Variants in RAX observed in about 807,000 individuals in gnomAD.
RAX encodes retinal homeobox protein Rx.
A neutral mutation model predicts 17.4 loss-of-function variants in RAX; 11 were observed. That is an observed-to-expected ratio of 0.63 (90% CI 0.40 to 1.05). The LOEUF (loss-of-function observed/expected upper bound fraction) is 1.05. Among genes scored for constraint, RAX ranks in the 50% least tolerant of loss-of-function variants. The pLI, the probability that RAX is intolerant of heterozygous loss-of-function variation, is 0.00. For synonymous variants in RAX, 276 were observed against 254.7 expected (o/e 1.08, Z -0.80); for missense variants, 527 against 501.1 (o/e 1.05, Z -0.49).
Position 59,269,092 on chromosome 18 carries a change from G to T in RAX, c.953C>A (p.Ala318Glu). The T allele has an allele frequency of 1.2e-6, 2 of 1,611,780 alleles. No individual in the cohort carries two copies. Among genetic ancestry groups the T allele is most frequent in the South Asian group, 1.1e-5 (1 of 90,910 alleles). Residue 318 changes from alanine to glutamate, a missense_variant, in exon 3 of 3, where the codon GCG (alanine) becomes GAG (glutamate). Transcript: ENST00000334889. ...CGCGATGCTGCTGTTGCGCGGGTCC[G>T]CCTCGTCCAGCGGGAACTTGTCCCC... is the stretch of plus-strand genomic sequence containing the variant. Reference protein sequence around the residue: ...GFGDKFPLDEADPRNSSIAAL... With the variant: ...GFGDKFPLDEEDPRNSSIAAL...
rs1302856092 is a variant in RAX, at chr18:59,273,303, G to A, written c.-97C>T. ...GCGGCGGTGCAACCCGACGGGTCCC[G>A]ACCCTAGGTCAAGCTCCGCGGGCGA... On this transcript the variant is annotated 5_prime_UTR_variant, in exon 1 of 3. Transcript: ENST00000334889. 3 of 1,294,826 alleles carry A rather than the reference G, an allele frequency of 2.3e-6. No homozygotes were observed. Among genetic ancestry groups the A allele is most frequent in the South Asian group, 1.6e-5 (1 of 63,656 alleles). The allele number at this position is 1,294,826 out of a possible 1,614,324, so 80.2% of individuals were successfully genotyped here.
At chr18:59,271,409 G>A (rs1207325498) in intron 2 of RAX, among the ~76,000 whole-genome samples, 1 of 152,192 alleles carries the variant, frequency 6.6e-6, no homozygotes, top group East Asian at 1.9e-4. Flanking sequence ...ACATTGAACT[G>A]TCCTTGCTGG....
intron 2 of RAX, among the ~76,000 whole-genome samples, chr18:59,271,370 A>T (rs1224383024): frequency 6.6e-6 from 1 of 152,196 alleles, no homozygotes; most frequent in African/African-American, 2.4e-5. Flanking sequence ...CAGTGAAATC[A>T]CTGCAGCTTT....
chr18:59,273,054 G>C lies in RAX; in HGVS notation c.153C>G (p.Phe51Leu), dbSNP rs1214569321. The change falls in exon 1 of 3, where the codon TTC becomes TTG. Residue 51 changes from phenylalanine (F) to leucine (L), a missense_variant. Phe to Leu is a conservative substitution (Grantham distance 22). Transcript: ENST00000334889. ...FTKDDGILGT[F>L]PAERGARGAK... ...CGCCCCGGGCGCCCCGCTCCGCCGG[G>C]AAGGTGCCGAGGATCCCGTCGTCCT... 21 of 1,534,740 alleles carry C rather than the reference G, an allele frequency of 1.4e-5. No individual in the cohort carries two copies. The highest frequency in any genetic ancestry group is 2.6e-6 in the Non-Finnish European group (3 of 1,146,362).
At chr18:59,272,876 G>T in intron 1 of RAX, 42 bp downstream of exon 1, 1 of 1,490,306 alleles carries the variant, frequency 6.7e-7, no homozygotes, top group South Asian at 1.4e-5. Context: ...TCCTAAGCTC[G>T]GGCGCCCGAA....
Position 59,267,634 on chromosome 18 carries a change from C to G in RAX, c.*1370G>C, listed in dbSNP as rs75165709. ...GGACGGGGGTTGTGGGGTGGACGCC[C>G]CCCCCCCCCCCGTGCCAGGACCTGT... On this transcript the variant is annotated 3_prime_UTR_variant, in exon 3 of 3. Coordinates refer to ENST00000334889, the MANE Select transcript of RAX (RefSeq NM_013435.3). The G allele has an allele frequency of 1.3e-5, 1 of 76,018 alleles. No individual in the cohort carries two copies. The highest frequency in any genetic ancestry group is 3.1e-5 in the Non-Finnish European group (1 of 31,994). 4.7% of individuals were successfully genotyped at this position (76,018 alleles called of 1,614,324 possible). A position where few individuals can be genotyped will look rare whatever the true frequency, so the allele number is the denominator to read the frequency against.
intron 2 of RAX, among the ~76,000 whole-genome samples, chr18:59,269,769 A>C (rs1331478367): frequency 4.3e-5 from 5 of 117,026 alleles, no homozygotes; most frequent in African/African-American, 6.7e-5. Flanking sequence ...TCTTCTCTCC[A>C]TTATCGCCTC....
At chr18:59,269,729 TCTCTCTCTC>T (rs1273160379) in intron 2 of RAX, among the ~76,000 whole-genome samples, 5 of 109,654 alleles carry the variant, frequency 4.6e-5, no homozygotes, top group African/African-American at 1.8e-4. Flanking sequence ...TCTCTCTCTC[TCTCTCTCTC>T]TTTTTTTTTT....
At chr18:59,272,658 C>A in intron 1 of RAX, 44 bp from the exon 2 acceptor site, 1 of 1,565,180 alleles carries the variant, frequency 6.4e-7, no homozygotes, top group Non-Finnish European at 8.6e-7. Flanking sequence ...CTCCCCAAAA[C>A]ACCCTTGGGC....
intron 2 of RAX, 100 bp downstream of exon 2, chr18:59,272,261 A>T (rs1321287361): frequency 1.3e-6 from 2 of 1,512,898 alleles, no homozygotes; most frequent in Non-Finnish European, 1.8e-6. Context: ...GAGGAAGGAC[A>T]GTAATAAATG....
At chr18:59,272,737 G>C in intron 1 of RAX, 123 bp from the exon 2 acceptor site, 1 of 1,407,370 alleles carries the variant, frequency 7.1e-7, no homozygotes, top group Non-Finnish European at 9.4e-7. Context: ...GGAGGTCCGT[G>C]GTGAGGGCGG....
rs1042965899 is a variant in RAX at position 59,272,987 on chromosome 18, G to A, written c.220C>T (p.Pro74Ser). ...TCGGAGCCTTCCTCGGGCGCCTTGG[G>A]GCAGGCGGGCCGCGCGCCCAGCCTC... is the stretch of plus-strand genomic sequence containing the variant. ...DRRLGARPAC[P>S]KAPEEGSEPS... The change falls in exon 1 of 3, where the codon CCC (proline) becomes TCC (serine). Residue 74 changes from proline to serine, a missense_variant. Coordinates refer to ENST00000334889, the MANE Select transcript of RAX (RefSeq NM_013435.3). 5 of 1,524,554 alleles carry A rather than the reference G, an allele frequency of 3.3e-6. No homozygotes were observed. Among genetic ancestry groups the A allele is most frequent in the Admixed American group, 4.0e-5 (2 of 50,404 alleles). 94.4% of individuals were successfully genotyped at this position (1,524,554 alleles called of 1,614,324 possible).
At chr18:59,272,118 A>G (rs996306400) in intron 2 of RAX, among the ~76,000 whole-genome samples, 1 of 152,110 alleles carries the variant, frequency 6.6e-6, no homozygotes, top group Admixed American at 6.5e-5. Context: ...CCCATCTTCT[A>G]TTTTGAGTTT....
In RAX at chr18:59,272,382, G is replaced by T; in HGVS notation, c.522C>A (p.Asn174Lys). 1 of 1,614,262 alleles carries T rather than the reference G, an allele frequency of 6.2e-7. No individual in the cohort carries two copies. Residue 174 changes from asparagine (N) to lysine (K), a missense_variant, in exon 2 of 3, where the codon AAC becomes AAA. Transcript: ENST00000334889. Reference sequence around the variant, plus strand: ...TTACCTGGACCCGGACCTCTGGTAGGTTGACCTTGCCGGCCAGCTCCTCGC... The same window carrying T: ...TTACCTGGACCCGGACCTCTGGTAGTTTGACCTTGCCGGCCAGCTCCTCGC... ...YSREELAGKV[N>K]LPEVRVQVWF...
At chr18:59,272,296 A>G in intron 2 of RAX, 65 bp downstream of exon 2, 1 of 1,609,806 alleles carries the variant, frequency 6.2e-7, no homozygotes, top group Non-Finnish European at 8.5e-7. Flanking sequence ...AATTCCGAGA[A>G]GCATTGGCTG....
rs776407487 is a variant in RAX at position 59,269,055 on chromosome 18, C to G, written c.990G>C (p.Leu330=). 1.9e-5 allele frequency: 30 copies of G among 1,612,804 alleles called. No homozygotes were observed. Among genetic ancestry groups the G allele is most frequent in the Non-Finnish European group, 2.5e-5 (30 of 1,179,832 alleles). ...TGGCCTGGATGTGCTCCTTGGCTTT[C>G]AGACGCAGCGCCGCGATGCTGCTGT... ...PRNSSIAALR[L]KAKEHIQAIG... Residue 330 remains leucine (L), a synonymous_variant, in exon 3 of 3, where the codon CTG becomes CTC. Transcript: ENST00000334889.
At chr18:59,272,212 A>T (rs1216710469) in intron 2 of RAX, 149 bp downstream of exon 2, 11 of 1,079,628 alleles carry the variant, frequency 1.0e-5, no homozygotes, top group Non-Finnish European at 1.5e-5. Flanking sequence ...AACATCGAAG[A>T]TCTGTGCCTC....
At chr18:59,269,654 TCTTC>T (rs1286336196) in intron 2 of RAX, among the ~76,000 whole-genome samples, 153 bp from the exon 3 acceptor site, 3 of 151,662 alleles carry the variant, frequency 2.0e-5, no homozygotes, top group Admixed American at 1.3e-4. Context: ...GAGGCCCGGA[TCTTC>T]CTTCCTTCCA....
chr18:59,272,328 C>T, intron 2 of RAX, 33 bp downstream of exon 2: 2 of 1,614,110 alleles, frequency 1.2e-6, no homozygotes, highest in East Asian at 4.5e-5. Flanking sequence ...TCGGGCCCTC[C>T]CAGATCCCAG....
Sources: allele counts gnomAD v4.1 joint callset (sites outside exome capture counted in the v4.1 genomes callset), GRCh38; gene constraint gnomAD v4.1.1; transcripts MANE v1.5; gene names NCBI Gene and HGNC (gene_info 2026-07-23, HGNC 2026-07-21).